The following DSE variants were observed in gnomAD, a reference collection of about 807,000 sequenced individuals.
The protein encoded by DSE is dermatan sulfate epimerase.
A neutral mutation model predicts 84.4 loss-of-function variants in DSE; 36 were observed. The ratio of observed to expected loss-of-function variants is 0.43; its 90% CI spans 0.33 to 0.56. DSE has a LOEUF of 0.56. Among genes scored for constraint, DSE ranks in the 20% least tolerant of loss-of-function variants. The probability of loss-of-function intolerance (pLI) is 0.06; values close to 1 mark genes in which losing one functional copy is unlikely to be tolerated. For synonymous variants in DSE, 410 were observed against 430.1 expected, an observed-to-expected ratio of 0.95 and a Z score of 0.58; for missense variants, 862 against 1,169.6, an observed-to-expected ratio of 0.74 and a Z score of 3.84.
rs148905552 is a variant in DSE at position 116,305,465 on chromosome 6, G to A, written c.-54+46498G>A. 7.0e-3 allele frequency among the ~76,000 whole-genome samples: 1,062 copies of A among 152,272 alleles called. 21 individuals are homozygous for A. Among genetic ancestry groups the A allele is most frequent in the South Asian group, 0.056 (272 of 4,824 alleles). On this transcript the variant is annotated intron_variant, in intron 2 of 3. Coordinates refer to the DSE transcript ENST00000430252. ...AGATTGAAGGAGACAAAAGAAGCAA[G>A]AAAGTGAAATGCAATACATGGTCCT...
chr6:116,434,397 G>C (rs1361662370), intron 5 of DSE, among the ~76,000 whole-genome samples: 1 of 151,906 alleles, frequency 6.6e-6, no homozygotes, highest in African/African-American at 2.4e-5. Context: ...AAAAATATTA[G>C]TAAAATGGTG....
intron 2 of DSE, among the ~76,000 whole-genome samples, chr6:116,339,598 CT>C (rs1777472101): frequency 6.6e-6 from 1 of 152,198 alleles, no homozygotes; most frequent in Admixed American, 6.5e-5. Flanking sequence ...AATCCAGTTA[CT>C]GCTGTAGGAT....
intron 2 of DSE, among the ~76,000 whole-genome samples, chr6:116,349,026 G>C (rs929190926): frequency 2.0e-5 from 3 of 152,084 alleles, no homozygotes; most frequent in Admixed American, 2.0e-4. Context: ...TAAATGATGA[G>C]TTAACAGGTG....
chr6:116,412,561 A>G (rs771364758), intron 2 of DSE: 3 of 152,254 alleles, frequency 2.0e-5, no homozygotes, highest in Non-Finnish European at 4.4e-5. Context: ...ATTTTGGATC[A>G]CATTTACCCT....
chr6:116,331,772 C>T (rs1763135007), intron 2 of DSE, among the ~76,000 whole-genome samples: 1 of 152,142 alleles, frequency 6.6e-6, no homozygotes, highest in Non-Finnish European at 1.5e-5. Flanking sequence ...TCATGGCCAA[C>T]ATGGTGAAAC....
chr6:116,404,549 T>C (rs1443378211), intron 2 of DSE, among the ~76,000 whole-genome samples: 1 of 152,260 alleles, frequency 6.6e-6, no homozygotes, highest in Non-Finnish European at 1.5e-5. Context: ...ACAGGTTCCT[T>C]ACACTCTGTA....
rs138702935 is a variant in DSE, at chr6:116,297,344, C to T, written c.-54+38377C>T. Among the ~76,000 whole-genome samples, 1,046 of 152,194 alleles carry T rather than the reference C, an allele frequency of 6.9e-3. 22 individuals carry two copies. Among genetic ancestry groups the T allele is most frequent in the South Asian group, 0.052 (252 of 4,818 alleles). On this transcript the variant is annotated intron_variant, in intron 2 of 3. Transcript: ENST00000430252. Reference sequence around the variant, plus strand: ...ACCATCTCTCAAAGGTCCCAGCGGGCCCCCATCAGTAACCTGCTCATCCTC... The same window carrying T: ...ACCATCTCTCAAAGGTCCCAGCGGGTCCCCATCAGTAACCTGCTCATCCTC...
At chr6:116,371,690 G>C (rs1188602232) in intron 1 of DSE, among the ~76,000 whole-genome samples, 2 of 152,210 alleles carry the variant, frequency 1.3e-5, no homozygotes, top group Non-Finnish European at 2.9e-5. Flanking sequence ...GCGCTCCTGG[G>C]CTCCGCCGGC....
At chr6:116,308,268 GCAT>G (rs1021769541) in intron 2 of DSE, among the ~76,000 whole-genome samples, 1 of 152,160 alleles carries the variant, frequency 6.6e-6, no homozygotes, top group African/African-American at 2.4e-5. Flanking sequence ...TTCCTGGTAA[GCAT>G]TAGACTCAGA....
At chr6:116,434,749 T>C (rs1784046395) in intron 5 of DSE, among the ~76,000 whole-genome samples, 1 of 152,232 alleles carries the variant, frequency 6.6e-6, no homozygotes, top group Non-Finnish European at 1.5e-5. Flanking sequence ...ATATAATTTC[T>C]GATGTCTTGA....
intron 2 of DSE, among the ~76,000 whole-genome samples, chr6:116,331,335 C>A (rs1270508020): frequency 6.6e-6 from 1 of 152,098 alleles, no homozygotes; most frequent in African/African-American, 2.4e-5. Flanking sequence ...ATGAAACTTA[C>A]AATCATGGTG....
intron 2 of DSE, among the ~76,000 whole-genome samples, chr6:116,409,402 G>A (rs9488922): frequency 0.036 from 5,444 of 152,038 alleles, 329 homozygotes; most frequent in African/African-American, 0.13. Flanking sequence ...TCAGCCTCCC[G>A]AGTAGGCTCG....
intron 1 of DSE, among the ~76,000 whole-genome samples, chr6:116,387,645 G>A: frequency 6.6e-6 from 1 of 152,120 alleles, no homozygotes; most frequent in Admixed American, 6.5e-5. Context: ...AAATAAACCT[G>A]ACCACTCACT....
chr6:116,352,361 T>C (rs747188648), intron 2 of DSE, among the ~76,000 whole-genome samples: 6 of 152,174 alleles, frequency 3.9e-5, no homozygotes, highest in Non-Finnish European at 8.8e-5. Context: ...AACCATTTTT[T>C]CTCTTGATCA....
At chr6:116,434,191 G>C (rs1464517622) in intron 5 of DSE, among the ~76,000 whole-genome samples, 1 of 152,128 alleles carries the variant, frequency 6.6e-6, no homozygotes, top group African/African-American at 2.4e-5. Flanking sequence ...AGAAGCTTGG[G>C]TCTCCTTTTT....
chr6:116,313,001 G>A (rs367636176), intron 2 of DSE, among the ~76,000 whole-genome samples: 1 of 152,114 alleles, frequency 6.6e-6, no homozygotes, highest in East Asian at 1.9e-4. Context: ...GATCTTAGTT[G>A]GTGATACAGT....
At chr6:116,333,155 C>A (rs1444127072) in intron 2 of DSE, among the ~76,000 whole-genome samples, 1 of 152,192 alleles carries the variant, frequency 6.6e-6, no homozygotes, top group East Asian at 1.9e-4. Flanking sequence ...CACATAAATT[C>A]ATGCATCCCA....
At chr6:116,355,681 C>A (rs1426037334) in intron 2 of DSE, 1 of 152,126 alleles carries the variant, frequency 6.6e-6, no homozygotes, top group Admixed American at 6.5e-5. Context: ...AAATTGCAGA[C>A]ACTCAAAGGT....
upstream of DSE, among the ~76,000 whole-genome samples, chr6:116,368,066 A>AT (rs1779263923): frequency 6.6e-6 from 1 of 152,246 alleles, no homozygotes. Context: ...TTTTTTGACA[A>AT]TATTACAGTA....
Sources: allele counts gnomAD v4.1 joint callset (sites outside exome capture counted in the v4.1 genomes callset), GRCh38; gene constraint gnomAD v4.1.1; transcripts MANE v1.5; gene names NCBI Gene and HGNC (gene_info 2026-07-23, HGNC 2026-07-21).